Variants in EGLN1 observed in about 807,000 individuals in gnomAD.
EGLN1 encodes egl-9 family hypoxia inducible factor 1.
Under a neutral mutation model 38.3 loss-of-function variants are expected in EGLN1, and 17 were observed. That is an observed-to-expected ratio of 0.44 (90% CI 0.30 to 0.67). The LOEUF is 0.67. Among genes scored for constraint, EGLN1 ranks in the 30% least tolerant of loss-of-function variants. The pLI, the probability that EGLN1 is intolerant of heterozygous loss-of-function variation, is 0.08. For missense variants in EGLN1, 477 were observed against 603.3 expected, an observed-to-expected ratio of 0.79 and a Z score of 2.19; for synonymous variants, 283 against 257.5, an observed-to-expected ratio of 1.10 and a Z score of -0.95.
intron 1 of EGLN1, among the ~76,000 whole-genome samples, chr1:231,406,936 G>A (rs991126509): frequency 2.6e-5 from 4 of 152,066 alleles, no homozygotes; most frequent in African/African-American, 9.7e-5. Flanking sequence ...CTTTATTCAA[G>A]ACATTTTATT....
At position 231,365,662 on chromosome 1, in the gene EGLN1, T is replaced by G. The variant is rs961354149; in HGVS notation, c.*749A>C. 1.3e-4 allele frequency: 20 copies of G among 152,242 alleles called. No individual in the cohort carries two copies. Among genetic ancestry groups the G allele is most frequent in the African/African-American group, 4.8e-4 (20 of 41,428 alleles). The allele number at this position is 152,242 out of a possible 1,614,324, so 9.4% of individuals were successfully genotyped here. A position where few individuals can be genotyped will look rare whatever the true frequency, so the allele number is the denominator to read the frequency against. ...AAAAAACAAAACAAAACAAAAAAAT[T>G]TAAACTCTTCTTGTGTCTTTTTCCT... On this transcript the variant is annotated 3_prime_UTR_variant, in exon 5 of 5. Transcript: ENST00000366641.
At chr1:231,399,437 G>A (rs1051658820) in intron 1 of EGLN1, among the ~76,000 whole-genome samples, 20 of 152,080 alleles carry the variant, frequency 1.3e-4, no homozygotes, top group Non-Finnish European at 2.5e-4. Flanking sequence ...AGAGAAGAAT[G>A]TTGACACCAA....
chr1:231,409,674 A>C (rs1688884543), intron 1 of EGLN1, among the ~76,000 whole-genome samples: 1 of 152,180 alleles, frequency 6.6e-6, no homozygotes, highest in Non-Finnish European at 1.5e-5. Context: ...AAAGTAAGAG[A>C]CAGACGAAGG....
intron 1 of EGLN1, among the ~76,000 whole-genome samples, chr1:231,384,708 G>A (rs531377393): frequency 3.3e-5 from 5 of 152,294 alleles, no homozygotes; most frequent in South Asian, 2.1e-4. Flanking sequence ...TTAAGTCACC[G>A]GAAGGCACTG....
intron 1 of EGLN1, among the ~76,000 whole-genome samples, chr1:231,408,550 A>G (rs1688850719): frequency 6.6e-6 from 1 of 152,164 alleles, no homozygotes; most frequent in Admixed American, 6.5e-5. Context: ...TTAAGGGGAA[A>G]AAAAGTGTGT....
At chr1:231,391,110 G>GTA (rs1688369351) in intron 1 of EGLN1, among the ~76,000 whole-genome samples, 1 of 151,008 alleles carries the variant, frequency 6.6e-6, no homozygotes, top group Non-Finnish European at 1.5e-5. Context: ...GTGTGTGTGT[G>GTA]TGTGTGTGTG....
intron 1 of EGLN1, among the ~76,000 whole-genome samples, chr1:231,380,757 A>C (rs565436839): frequency 1.3e-5 from 2 of 152,196 alleles, no homozygotes; most frequent in African/African-American, 2.4e-5. Flanking sequence ...TTAATCTTTG[A>C]AAACAGCTCA....
At chr1:231,408,351 G>A (rs1476770053) in intron 1 of EGLN1, among the ~76,000 whole-genome samples, 1 of 152,126 alleles carries the variant, frequency 6.6e-6, no homozygotes, top group Non-Finnish European at 1.5e-5. Context: ...TGAAACACTG[G>A]TTGTATTTCA....
In EGLN1 at chr1:231,421,888, T is replaced by TGGCGGC. The variant is rs574288484; in HGVS notation, c.-6_-1dup. The TGGCGGC allele has an allele frequency of 9.3e-5, 133 of 1,430,894 alleles. No homozygotes were observed. The highest frequency in any genetic ancestry group is 3.3e-4 in the East Asian group (11 of 33,660). The allele number at this position is 1,430,894 out of a possible 1,614,324, so 88.6% of individuals were successfully genotyped here. On this transcript the variant is annotated 5_prime_UTR_variant, in exon 1 of 5. Transcript: ENST00000366641. The surrounding 1 kb of genome is among the most constrained non-coding windows in gnomAD (Gnocchi z 5.5). ...CCGGGCCCGCCGCTGTCATTGGCCATGGCGGCGGCGGCGGCGGCGACGGCG... is the reference window on the plus strand; with the variant it reads ...CCGGGCCCGCCGCTGTCATTGGCCATGGCGGCGGCGGCGGCGGCGGCGGCGACGGCG...
At chr1:231,382,072 A>AT (rs1458414880) in intron 1 of EGLN1, among the ~76,000 whole-genome samples, 14 of 152,260 alleles carry the variant, frequency 9.2e-5, no homozygotes, top group Non-Finnish European at 2.9e-5. Context: ...AGAGTCTGCA[A>AT]TTCGGCATTA....
Position 231,421,344 on chromosome 1 carries a change from T to C in EGLN1, c.545A>G (p.Asn182Ser), listed in dbSNP as rs772133023. 1.9e-6 allele frequency: 3 copies of C among 1,610,878 alleles called. No homozygotes were observed. The highest frequency in any genetic ancestry group is 1.1e-5 in the South Asian group (1 of 90,950). Reference sequence around the variant, plus strand: ...CGCCGGCAGGGGCTTCGTCTGCCCGTTGGGCCGCAGGCCGCCGCCGGGGCT... The same window carrying C: ...CGCCGGCAGGGGCTTCGTCTGCCCGCTGGGCCGCAGGCCGCCGCCGGGGCT... ...ALSPGGGLRP[N>S]GQTKPLPALK... Residue 182 changes from asparagine (N) to serine (S), a missense_variant, in exon 1 of 5, where the codon AAC (asparagine) becomes AGC (serine). Coordinates refer to ENST00000366641, the MANE Select transcript of EGLN1 (RefSeq NM_022051.3). The surrounding 1 kb of genome is among the most constrained non-coding windows in gnomAD (Gnocchi z 5.5).
At chr1:231,369,366 A>C (rs1191867818) in intron 3 of EGLN1, among the ~76,000 whole-genome samples, 1 of 152,166 alleles carries the variant, frequency 6.6e-6, no homozygotes, top group East Asian at 1.9e-4. Flanking sequence ...TATTCATCTA[A>C]AAAGGACGTA....
At chr1:231,400,104 C>T (rs1036993916) in intron 1 of EGLN1, among the ~76,000 whole-genome samples, 1 of 151,966 alleles carries the variant, frequency 6.6e-6, no homozygotes, top group Non-Finnish European at 1.5e-5. Context: ...GGCCTTTTTG[C>T]TTTGCAAGCT....
chr1:231,366,175 T>C lies in EGLN1; in HGVS notation c.*236A>G. 1.8e-6 allele frequency: 1 copy of C among 562,622 alleles called. No individual in the cohort carries two copies. The highest frequency in any genetic ancestry group is 2.9e-5 in the East Asian group (1 of 34,830). 34.9% of individuals were successfully genotyped at this position (562,622 alleles called of 1,614,324 possible). ...TCATATCCAGATGTAAAAACCATTT[T>C]CAATTAGTAGCTTATCTTCCTCCTG... On this transcript the variant is annotated 3_prime_UTR_variant, in exon 5 of 5. Coordinates refer to ENST00000366641, the MANE Select transcript of EGLN1 (RefSeq NM_022051.3).
chr1:231,368,036 A>T (rs2102890845), intron 3 of EGLN1, among the ~76,000 whole-genome samples: 1 of 152,258 alleles, frequency 6.6e-6, no homozygotes, highest in African/African-American at 2.4e-5. Context: ...AAGAAAAAAA[A>T]AATTAGCCGT....
chr1:231,369,739 C>A, intron 3 of EGLN1: 1 of 263,650 alleles, frequency 3.8e-6, no homozygotes, highest in Non-Finnish European at 5.9e-6. Flanking sequence ...CCTCTTCTTG[C>A]CACCCTAGCA....
chr1:231,384,620 C>A (rs749878418), intron 1 of EGLN1, among the ~76,000 whole-genome samples: 1 of 152,046 alleles, frequency 6.6e-6, no homozygotes, highest in African/African-American at 2.4e-5. Context: ...GGAAAGCAGA[C>A]AACAGCGTAA....
At chr1:231,401,973 T>C (rs1217800468) in intron 1 of EGLN1, among the ~76,000 whole-genome samples, 1 of 152,156 alleles carries the variant, frequency 6.6e-6, no homozygotes, top group African/African-American at 2.4e-5. Context: ...TTGCCAAAAC[T>C]TGGTATCATC....
chr1:231,373,916 A>T, intron 2 of EGLN1, 64 bp downstream of exon 2: 1 of 1,584,646 alleles, frequency 6.3e-7, no homozygotes, highest in Non-Finnish European at 8.7e-7. Flanking sequence ...GAAGTATGAA[A>T]CTTAATGCTT....
Sources: gnomAD v4.1 joint callset for allele counts (sites outside exome capture counted in the v4.1 genomes callset) on GRCh38, gnomAD v4.1.1 for gene constraint, Gnocchi (gnomAD v3.1) non-coding constraint, MANE v1.5 for transcripts, NCBI Gene and HGNC (gene_info 2026-07-23, HGNC 2026-07-21) for gene names.